Variants in GRM8 observed in about 807,000 individuals in gnomAD.
GRM8 encodes the protein metabotropic glutamate receptor 8.
GRM8 carries 47 observed loss-of-function variants against 87.2 expected under a neutral mutation model. The ratio of observed to expected loss-of-function variants is 0.54; its 90% confidence interval spans 0.43 to 0.69. The LOEUF (loss-of-function observed/expected upper bound fraction) is 0.69. Ranked by LOEUF, GRM8 falls within the 30% of genes least tolerant of loss-of-function variation. The pLI is 0.00. For missense variants in GRM8, 1,019 were observed against 1,139.2 expected, an observed-to-expected ratio of 0.89 and a Z score of 1.52; for synonymous variants, 396 against 404.5, an observed-to-expected ratio of 0.98 and a Z score of 0.25.
chr7:126,924,834 G>A (rs1804920388), intron 3 of GRM8, among the ~76,000 whole-genome samples: 1 of 152,088 alleles, frequency 6.6e-6, no homozygotes, highest in Non-Finnish European at 1.5e-5. Context: ...GAGGTCACTG[G>A]CCCTTATAAG....
intron 2 of GRM8, among the ~76,000 whole-genome samples, chr7:127,108,047 C>T (rs1318377969): frequency 6.6e-6 from 1 of 152,142 alleles, no homozygotes; most frequent in Non-Finnish European, 1.5e-5. Flanking sequence ...TTCTGTTCTC[C>T]TAGTGGGGAC....
At chr7:126,500,263 C>A (rs867309019) in intron 9 of GRM8, among the ~76,000 whole-genome samples, 1 of 151,962 alleles carries the variant, frequency 6.6e-6, no homozygotes, top group African/African-American at 2.4e-5. Context: ...TGGTAACCAC[C>A]ATTCTACTCT....
At chr7:126,953,508 C>T (rs746481998) in intron 3 of GRM8, among the ~76,000 whole-genome samples, 4 of 152,128 alleles carry the variant, frequency 2.6e-5, no homozygotes, top group South Asian at 2.1e-4. Context: ...CTAAGATGGA[C>T]GACTTGGGCA....
At chr7:126,860,153 C>T (rs1798031532) in intron 6 of GRM8, among the ~76,000 whole-genome samples, 1 of 152,124 alleles carries the variant, frequency 6.6e-6, no homozygotes, top group Admixed American at 6.5e-5. Context: ...GCCTAGATTC[C>T]TATCCAGATT....
chr7:126,814,084 A>G (rs1793543177), intron 6 of GRM8, among the ~76,000 whole-genome samples: 1 of 152,068 alleles, frequency 6.6e-6, no homozygotes, highest in South Asian at 2.1e-4. Context: ...CTGGTTATCT[A>G]TCTATGAACT....
intron 2 of GRM8, among the ~76,000 whole-genome samples, chr7:127,122,085 T>A (rs942000193): frequency 6.6e-6 from 1 of 152,138 alleles, no homozygotes; most frequent in African/African-American, 2.4e-5. Flanking sequence ...CCTTAGAGAG[T>A]AGGCTTATGA....
At chr7:126,569,371 C>A (rs1794505470) in intron 8 of GRM8, among the ~76,000 whole-genome samples, 1 of 152,204 alleles carries the variant, frequency 6.6e-6, no homozygotes, top group African/African-American at 2.4e-5. Flanking sequence ...ATGACCATGA[C>A]AGGCTCCATG....
intron 3 of GRM8, among the ~76,000 whole-genome samples, chr7:127,027,299 G>T (rs541707387): frequency 2.0e-5 from 3 of 152,232 alleles, no homozygotes; most frequent in African/African-American, 7.2e-5. Flanking sequence ...TTTTGCTTAG[G>T]ATTGTCTTGG....
At chr7:126,640,505 T>C (rs942138303) in intron 7 of GRM8, among the ~76,000 whole-genome samples, 7 of 152,220 alleles carry the variant, frequency 4.6e-5, no homozygotes, top group African/African-American at 1.7e-4. Context: ...AAACTATGCA[T>C]TTATATATTG....
chr7:126,716,068 G>A (rs1811701606), intron 7 of GRM8, among the ~76,000 whole-genome samples: 1 of 152,056 alleles, frequency 6.6e-6, no homozygotes, highest in Non-Finnish European at 1.5e-5. Context: ...ATCCTCTAGA[G>A]CAGACAGACA....
intron 6 of GRM8, among the ~76,000 whole-genome samples, chr7:126,774,853 C>T (rs1405114527): frequency 6.6e-6 from 1 of 152,074 alleles, no homozygotes; most frequent in African/African-American, 2.4e-5. Context: ...CTAAGAATTT[C>T]CCATTTCTCA....
intron 7 of GRM8, among the ~76,000 whole-genome samples, chr7:126,666,392 G>A (rs1438942573): frequency 6.6e-6 from 1 of 152,020 alleles, no homozygotes; most frequent in Non-Finnish European, 1.5e-5. Context: ...ATTTCATGGG[G>A]AAAAACAATT....
intron 7 of GRM8, among the ~76,000 whole-genome samples, chr7:126,768,643 T>A (rs1290433045): frequency 6.6e-6 from 1 of 152,042 alleles, no homozygotes; most frequent in Non-Finnish European, 1.5e-5. Context: ...TTCAGTTCTA[T>A]GGAAACTTCA....
intron 8 of GRM8, among the ~76,000 whole-genome samples, chr7:126,546,312 G>C (rs1318215621): frequency 6.6e-6 from 1 of 152,076 alleles, no homozygotes; most frequent in African/African-American, 2.4e-5. Context: ...CAATAGATTC[G>C]AGTCCAGGGT....
intron 3 of GRM8, among the ~76,000 whole-genome samples, chr7:126,917,319 T>C (rs1300961913): frequency 6.6e-6 from 1 of 151,962 alleles, no homozygotes; most frequent in Non-Finnish European, 1.5e-5. Flanking sequence ...TTGGACTAGA[T>C]TTTATTCAAA....
intron 6 of GRM8, among the ~76,000 whole-genome samples, chr7:126,778,461 A>T (rs928709379): frequency 6.6e-6 from 1 of 152,156 alleles, no homozygotes; most frequent in Non-Finnish European, 1.5e-5. Flanking sequence ...TTAAGAGTGT[A>T]TCTTCAGGCA....
intron 7 of GRM8, chr7:126,701,855 G>GTCATTAAC: frequency 2.0e-6 from 2 of 1,017,620 alleles, no homozygotes; most frequent in Non-Finnish European, 2.7e-6. Context: ...TCAGAGAATA[G>GTCATTAAC]TGATTATAAT....
intron 7 of GRM8, among the ~76,000 whole-genome samples, chr7:126,635,747 G>A (rs538454299): frequency 6.6e-6 from 1 of 152,024 alleles, no homozygotes; most frequent in Non-Finnish European, 1.5e-5. Context: ...TATCTTACTT[G>A]GGAGAGGAAA....
intron 2 of GRM8, among the ~76,000 whole-genome samples, chr7:127,171,504 T>C (rs1793799724): frequency 6.6e-6 from 1 of 152,146 alleles, no homozygotes; most frequent in Non-Finnish European, 1.5e-5. Flanking sequence ...TTTTAAGAAA[T>C]TGCCACAGCC....
Sources: gnomAD v4.1 joint callset for allele counts (sites outside exome capture counted in the v4.1 genomes callset) on GRCh38, gnomAD v4.1.1 for gene constraint, MANE v1.5 for transcripts, NCBI Gene and HGNC (gene_info 2026-07-23, HGNC 2026-07-21) for gene names.